The following TIAM2 variants were observed in gnomAD, a reference collection of about 807,000 sequenced individuals.
The protein encoded by TIAM2 is TIAM Rac1 associated GEF 2, also known as rho guanine nucleotide exchange factor TIAM2.
Under a neutral mutation model 152.9 loss-of-function variants are expected in TIAM2, and 80 were observed. The observed-to-expected ratio is 0.52, with a 90% CI of 0.44 to 0.63. The LOEUF is 0.63. Among genes scored for constraint, TIAM2 ranks in the 30% least tolerant of loss-of-function variants. The pLI is 0.00. For synonymous variants in TIAM2, 804 were observed against 838.0 expected (o/e 0.96, Z 0.70); for missense variants, 1,965 against 2,120.1 (o/e 0.93, Z 1.44).
At chr6:155,015,397 A>T (rs967248505) in intron 1 of TIAM2, among the ~76,000 whole-genome samples, 2 of 152,142 alleles carry the variant, frequency 1.3e-5, no homozygotes, top group Non-Finnish European at 2.9e-5. Context: ...CAAGAGAGAC[A>T]GGTCTGGGCT....
chr6:155,252,961 G>T lies in TIAM2; in HGVS notation c.4133G>T (p.Arg1378Leu). The stretch of plus-strand genomic sequence containing the variant: ...TTCATGTTACAGCCCTCGAATTCCC[G>T]GCCTGCACACAACTCTACTGACTTG... ...KLKKKLPSNSRPAHNSTDLDP... is the reference protein window; with the variant it reads ...KLKKKLPSNSLPAHNSTDLDP... Residue 1378 changes from arginine (R) to leucine (L), a missense_variant, in exon 24 of 27, where the codon CGG becomes CTG. Coordinates refer to ENST00000682666, the MANE Select transcript of TIAM2 (RefSeq NM_012454.4). 1 of 1,613,946 alleles carries T rather than the reference G, an allele frequency of 6.2e-7. No individual in the cohort carries two copies.
intron 15 of TIAM2, among the ~76,000 whole-genome samples, chr6:155,239,378 G>A (rs187369649): frequency 1.2e-4 from 18 of 152,302 alleles, no homozygotes; most frequent in South Asian, 4.1e-4. Context: ...GGCTGCTGGC[G>A]GAGATGTGAA....
At chr6:155,044,015 C>G (rs935145174) in intron 1 of TIAM2, among the ~76,000 whole-genome samples, 1 of 152,140 alleles carries the variant, frequency 6.6e-6, no homozygotes, top group African/African-American at 2.4e-5. Flanking sequence ...GTAATACGAT[C>G]TTGTGGATAT....
chr6:155,217,986 C>T (rs555326076), intron 15 of TIAM2, among the ~76,000 whole-genome samples: 1 of 152,164 alleles, frequency 6.6e-6, no homozygotes, highest in South Asian at 2.1e-4. Flanking sequence ...GCTTGCCTAT[C>T]TAAGAAGCTG....
intron 12 of TIAM2, among the ~76,000 whole-genome samples, chr6:155,181,971 C>T (rs549731145): frequency 3.3e-5 from 5 of 152,284 alleles, no homozygotes; most frequent in Admixed American, 6.5e-5. Context: ...TTGTGAATTA[C>T]GCTGTTATGC....
chr6:155,114,031 TATATA>T (rs1277487647), intron 2 of TIAM2, among the ~76,000 whole-genome samples: 32 of 52,440 alleles, frequency 6.1e-4, no homozygotes, highest in African/African-American at 1.6e-3. Flanking sequence ...TATATATATA[TATATA>T]TTTTTTTTTT....
At chr6:155,046,347 T>TC (rs1178940314) in intron 1 of TIAM2, among the ~76,000 whole-genome samples, 5 of 144,962 alleles carry the variant, frequency 3.4e-5, no homozygotes, top group Admixed American at 2.1e-4. Context: ...TTTTTTTTTT[T>TC]TTTTTTTGAG....
rs1201439884 is a variant in TIAM2, at chr6:155,256,931, C to T, written c.4916C>T (p.Ala1639Val). Residue 1639 changes from alanine to valine, a missense_variant, in exon 27 of 27, where the codon GCC becomes GTC. Physicochemically the swap from Ala to Val is moderately conservative, Grantham distance 64. This residue lies in a region of TIAM2 where 935 missense variants were observed against 980.0 expected (regional missense o/e 0.95). Coordinates refer to ENST00000682666, the MANE Select transcript of TIAM2 (RefSeq NM_012454.4). Reference protein sequence around the residue: ...RGHFCPIKRKANSTKRDRGTL... With the variant: ...RGHFCPIKRKVNSTKRDRGTL... The stretch of plus-strand genomic sequence containing the variant: ...CACTTCTGCCCCATTAAACGAAAAG[C>T]CAACAGCACCAAGAGGGACAGAGGA... 6.2e-7 allele frequency: 1 copy of T among 1,614,174 alleles called. No individual in the cohort carries two copies. Among genetic ancestry groups the T allele is most frequent in the Non-Finnish European group, 8.5e-7 (1 of 1,180,034 alleles).
intron 12 of TIAM2, 71 bp downstream of exon 12, chr6:155,179,527 G>T: frequency 7.0e-7 from 1 of 1,428,650 alleles, no homozygotes; most frequent in South Asian, 1.4e-5. Flanking sequence ...CAGCATCTTT[G>T]GACTTAATTT....
Position 155,057,017 on chromosome 6 carries a change from CTTTTTTTTTTTTTTT to C in TIAM2, c.-208-33257_-208-33243del, listed in dbSNP as rs71023612. ...AGTAGAATGTTCCTCAGTTTTCTTT[CTTTTTTTTTTTTTTT>C]TTTTTTTTTTTTTTGAGATAGGGTC... On this transcript the variant is annotated intron_variant, in intron 1 of 26. Transcript: ENST00000682666. Among the ~76,000 whole-genome samples, 14 of 43,868 alleles carry C rather than the reference CTTTTTTTTTTTTTTT, an allele frequency of 3.2e-4. No individual in the cohort carries two copies. In the East Asian group the frequency reaches 7.6e-3, roughly 24 times the overall value. 28.8% of individuals were successfully genotyped at this position (43,868 alleles called of 152,430 possible).
intron 7 of TIAM2, among the ~76,000 whole-genome samples, chr6:155,161,731 C>G (rs1428197292): frequency 8.8e-6 from 1 of 113,938 alleles, no homozygotes; most frequent in African/African-American, 3.2e-5. Context: ...CCACACCTGG[C>G]TAATGTTTTT....
intron 1 of TIAM2, among the ~76,000 whole-genome samples, chr6:155,071,631 G>T (rs548369570): frequency 6.6e-6 from 1 of 152,254 alleles, no homozygotes; most frequent in Admixed American, 6.5e-5. Flanking sequence ...TTGGCCGGGC[G>T]CGGTGGCTCA....
At chr6:155,209,757 C>T (rs1338095748) in intron 14 of TIAM2, among the ~76,000 whole-genome samples, 1 of 152,196 alleles carries the variant, frequency 6.6e-6, no homozygotes, top group Non-Finnish European at 1.5e-5. Context: ...CTGCAGAATT[C>T]TGTAGATCAT....
chr6:155,093,381 A>C (rs976693322), intron 2 of TIAM2, among the ~76,000 whole-genome samples: 3 of 152,174 alleles, frequency 2.0e-5, no homozygotes, highest in Non-Finnish European at 4.4e-5. Flanking sequence ...GGTGATTGCC[A>C]TTGGGGAAGG....
In TIAM2 at chr6:155,065,609, C is replaced by T. The variant is rs1251205221; in HGVS notation, c.-208-24680C>T. Among the ~76,000 whole-genome samples the T allele has an allele frequency of 2.0e-5, 3 of 152,042 alleles. No individual in the cohort carries two copies. The East Asian group carries it at 5.8e-4, about 29-fold the overall frequency. On this transcript the variant is annotated intron_variant, in intron 1 of 26. Transcript: ENST00000682666. ...CCTGGCCAACGTGGCAAAACCCCGTCTCTACTAAAAATACGAAAATTAGCC... is the reference window on the plus strand; with the variant it reads ...CCTGGCCAACGTGGCAAAACCCCGTTTCTACTAAAAATACGAAAATTAGCC...
At chr6:155,055,263 C>T (rs2114929540) in intron 1 of TIAM2, among the ~76,000 whole-genome samples, 1 of 152,326 alleles carries the variant, frequency 6.6e-6, no homozygotes, top group South Asian at 2.1e-4. Context: ...CATACTATAA[C>T]AGCAGTTTAG....
intron 1 of TIAM2, among the ~76,000 whole-genome samples, chr6:155,042,243 C>T (rs1583164700): frequency 6.6e-6 from 1 of 151,810 alleles, no homozygotes; most frequent in Non-Finnish European, 1.5e-5. Flanking sequence ...TTCTTGGAGC[C>T]AAGACTAGAA....
chr6:155,219,970 G>C (rs1781986848), intron 15 of TIAM2, among the ~76,000 whole-genome samples: 1 of 152,230 alleles, frequency 6.6e-6, no homozygotes, highest in Admixed American at 6.5e-5. Context: ...AGCTTGTCCT[G>C]TAGAGAGGGA....
chr6:155,209,412 C>A (rs892123153), intron 14 of TIAM2, among the ~76,000 whole-genome samples: 7 of 152,144 alleles, frequency 4.6e-5, no homozygotes, highest in African/African-American at 1.2e-4. Context: ...AAGGTATACA[C>A]ATCAGAGAAA....
Sources: gnomAD v4.1 joint callset for allele counts (sites outside exome capture counted in the v4.1 genomes callset) on GRCh38, gnomAD v4.1.1 for gene constraint, gnomAD v4.1.1 regional missense constraint, MANE v1.5 for transcripts, NCBI Gene and HGNC (gene_info 2026-07-23, HGNC 2026-07-21) for gene names.